CRISPLD2: variants seen among roughly 807,000 people sequenced by gnomAD.
The protein encoded by CRISPLD2 is cysteine-rich secretory protein LCCL domain-containing 2.
CRISPLD2 carries 47 observed loss-of-function variants against 71.1 expected under a neutral mutation model. That is an observed-to-expected ratio of 0.66 (90% CI 0.52 to 0.84). The LOEUF is 0.84. CRISPLD2 is among the 40% of genes least tolerant of loss of function. The pLI, the probability that CRISPLD2 is intolerant of heterozygous loss-of-function variation, is 0.00. For synonymous variants in CRISPLD2, 317 were observed against 250.1 expected (o/e 1.27, Z -2.52); for missense variants, 830 against 651.1 (o/e 1.27, Z -2.99).
At chr16:84,870,334 C>G (rs1251616404) in intron 8 of CRISPLD2, among the ~76,000 whole-genome samples, 1 of 130,888 alleles carries the variant, frequency 7.6e-6, no homozygotes, top group South Asian at 2.3e-4. Context: ...TTTTTTTTTT[C>G]TTTGAGTTGG....
chr16:84,864,090 C>G (rs920516120), intron 6 of CRISPLD2, among the ~76,000 whole-genome samples: 11 of 152,112 alleles, frequency 7.2e-5, no homozygotes, highest in Admixed American at 2.6e-4. Context: ...GGCATGGTCA[C>G]CAGCTTTAGA....
intron 6 of CRISPLD2, among the ~76,000 whole-genome samples, chr16:84,863,997 A>AAAAAG (rs3028116): frequency 0.4 from 57,799 of 145,676 alleles, 11,852 homozygotes; most frequent in South Asian, 0.49. Context: ...AGAGAGAAAA[A>AAAAAG]AAAAGAAAAG....
At chr16:84,872,078 G>A (rs2641659) in intron 8 of CRISPLD2, among the ~76,000 whole-genome samples, 69,603 of 151,898 alleles carry the variant, frequency 0.46, 17,661 homozygotes, top group African/African-American at 0.68. Context: ...TCTACATAGC[G>A]TTTACCTTGT....
chr16:84,872,982 T>C lies in CRISPLD2; in HGVS notation c.982-10T>C, dbSNP rs2071484330. ...AATGTGCCTCTGGTCTTCTCTTCCCTTCCCGCCAGTCGTCTAGCATATGCC... is the reference window on the plus strand; with the variant it reads ...AATGTGCCTCTGGTCTTCTCTTCCCCTCCCGCCAGTCGTCTAGCATATGCC... On this transcript the variant is annotated splice_polypyrimidine_tract_variant and intron_variant, in intron 9 of 14. Transcript: ENST00000262424. 1 of 1,603,528 alleles carries C rather than the reference T, an allele frequency of 6.2e-7. No individual in the cohort carries two copies. The highest frequency in any genetic ancestry group is 8.5e-7 in the Non-Finnish European group (1 of 1,175,502).
chr16:84,845,847 A>G lies in CRISPLD2; in HGVS notation c.302A>G (p.His101Arg). Residue 101 changes from histidine to arginine, a missense_variant, in exon 3 of 15, where the codon CAC becomes CGC. By Grantham distance (29) the His-to-Arg change is conservative (BLOSUM62 0). Transcript: ENST00000262424. ...TGGGCCAGTCAGTGCATCTGGGAGC[A>G]CGGGCCCACCAGTCTGCTGGTGTCC... ...AAWASQCIWE[H>R]GPTSLLVSIG... 1 of 1,614,108 alleles carries G rather than the reference A, an allele frequency of 6.2e-7. No homozygotes were observed. Among genetic ancestry groups the G allele is most frequent in the South Asian group, 1.1e-5 (1 of 91,072 alleles).
chr16:84,846,466 GT>G (rs1370000310), intron 3 of CRISPLD2, among the ~76,000 whole-genome samples: 1 of 152,038 alleles, frequency 6.6e-6, no homozygotes, highest in African/African-American at 2.4e-5. Context: ...ATTGGCCAGG[GT>G]GGTCTCGAAC....
chr16:84,835,958 C>T (rs924088983), intron 1 of CRISPLD2, among the ~76,000 whole-genome samples: 8 of 152,190 alleles, frequency 5.3e-5, no homozygotes, highest in Non-Finnish European at 1.0e-4. Context: ...CCTGATCTGA[C>T]AATCCAAAAT....
intron 14 of CRISPLD2, among the ~76,000 whole-genome samples, chr16:84,890,245 G>A (rs909468208): frequency 6.6e-6 from 1 of 152,164 alleles, no homozygotes; most frequent in Non-Finnish European, 1.5e-5. Context: ...TGTAGTCCCA[G>A]CTACCCGGGA....
chr16:84,867,953 G>A (rs539703922), intron 7 of CRISPLD2, among the ~76,000 whole-genome samples: 3 of 152,346 alleles, frequency 2.0e-5, no homozygotes, highest in East Asian at 1.9e-4. Context: ...TGCAGCCGCC[G>A]TTTCTGCAGG....
Position 84,889,262 on chromosome 16 carries a change from G to T in CRISPLD2, c.1338G>T (p.Ala446=). The T allele has an allele frequency of 6.2e-7, 1 of 1,614,108 alleles. No individual in the cohort carries two copies. Among genetic ancestry groups the T allele is most frequent in the Non-Finnish European group, 8.5e-7 (1 of 1,180,004 alleles). ...GCATCTGCAAGACAGCCGTGCACGC[G>T]GGAGTCATCAGCAACGAGAGTGGGG... The part of the protein sequence containing the change: ...TSSICKTAVH[A]GVISNESGGD... Residue 446 remains alanine, a synonymous_variant, in exon 14 of 15, where the codon GCG becomes GCT. Transcript: ENST00000262424.
intron 2 of CRISPLD2, among the ~76,000 whole-genome samples, chr16:84,840,280 G>A (rs935583725): frequency 2.4e-4 from 37 of 152,156 alleles, no homozygotes; most frequent in African/African-American, 8.4e-4. Flanking sequence ...GCTATTACGT[G>A]CCACGTGAAT....
intron 14 of CRISPLD2, among the ~76,000 whole-genome samples, chr16:84,901,609 T>G (rs1023589428): frequency 1.3e-5 from 2 of 150,454 alleles, no homozygotes; most frequent in Admixed American, 6.7e-5. Flanking sequence ...GTAGCTGGGA[T>G]TACAGGCATC....
intron 13 of CRISPLD2, among the ~76,000 whole-genome samples, chr16:84,887,242 C>A (rs964664674): frequency 6.6e-6 from 1 of 152,182 alleles, no homozygotes; most frequent in Non-Finnish European, 1.5e-5. Flanking sequence ...GGGGGTTAAG[C>A]TTTTAAGCTC....
intron 1 of CRISPLD2, among the ~76,000 whole-genome samples, chr16:84,822,707 C>T (rs1365791741): frequency 6.6e-6 from 1 of 152,138 alleles, no homozygotes; most frequent in Non-Finnish European, 1.5e-5. Context: ...GGAACAGATG[C>T]TCAGACCTTC....
intron 12 of CRISPLD2, 129 bp from the exon 13 acceptor site, chr16:84,880,380 G>A: frequency 1.6e-6 from 1 of 642,156 alleles, no homozygotes; most frequent in Non-Finnish European, 2.7e-6. Flanking sequence ...TTTTCTTAAT[G>A]AGGAAAACTG....
chr16:84,854,651 G>C, intron 5 of CRISPLD2, 78 bp from the exon 6 acceptor site: 2 of 1,027,660 alleles, frequency 1.9e-6, no homozygotes, highest in Admixed American at 1.7e-5. Context: ...AGGGACTCAC[G>C]TGGGCCTTGG....
At chr16:84,848,664 C>A (rs1051786990) in intron 3 of CRISPLD2, among the ~76,000 whole-genome samples, 4 of 152,160 alleles carry the variant, frequency 2.6e-5, no homozygotes, top group African/African-American at 9.7e-5. Flanking sequence ...TGGTCTCCAA[C>A]TCCTGACCTC....
intron 13 of CRISPLD2, 145 bp downstream of exon 13, chr16:84,880,729 G>A: frequency 1.8e-6 from 1 of 563,812 alleles, no homozygotes. Context: ...ATTTCGAGAT[G>A]GAGTCTTACT....
At chr16:84,881,430 G>A (rs539658079) in intron 13 of CRISPLD2, among the ~76,000 whole-genome samples, 2 of 152,158 alleles carry the variant, frequency 1.3e-5, no homozygotes, top group Non-Finnish European at 1.5e-5. Flanking sequence ...AACATTGTCT[G>A]TTCCCTCTGG....
Sources: gnomAD v4.1 joint callset for allele counts (sites outside exome capture counted in the v4.1 genomes callset) on GRCh38, gnomAD v4.1.1 for gene constraint, MANE v1.5 for transcripts, NCBI Gene and HGNC (gene_info 2026-07-23, HGNC 2026-07-21) for gene names.